The following CAPN14 variants were observed in gnomAD, a reference collection of about 807,000 sequenced individuals.
CAPN14 encodes the protein calpain-14.
Under a neutral mutation model 101.3 loss-of-function variants are expected in CAPN14, and 94 were observed. That is an observed-to-expected ratio of 0.93 (90% CI 0.79 to 1.10). The LOEUF (loss-of-function observed/expected upper bound fraction) is 1.10, where lower values mean the gene tolerates loss of function less well. CAPN14 is among the 50% of genes least tolerant of loss of function. The probability of loss-of-function intolerance (pLI) is 0.00; values close to 1 mark genes in which losing one functional copy is unlikely to be tolerated. For missense variants in CAPN14, 837 were observed against 828.4 expected (o/e 1.01, Z -0.13); for synonymous variants, 338 against 317.9 (o/e 1.06, Z -0.67).
chr2:31,174,618 G>C lies in CAPN14; in HGVS notation c.*63C>G. On this transcript the variant is annotated 3_prime_UTR_variant, in exon 22 of 22. Transcript: ENST00000403897. ...GTAGGGTGGGCATGGGTTGGTCTCA[G>C]CCAAAGGCTGCTCTTGGGCCACATG... The C allele has an allele frequency of 6.5e-7, 1 of 1,537,880 alleles. No individual in the cohort carries two copies. The highest frequency in any genetic ancestry group is 8.8e-7 in the Non-Finnish European group (1 of 1,135,410).
chr2:31,199,934 T>G (rs1681665355), intron 6 of CAPN14, among the ~76,000 whole-genome samples: 2 of 152,202 alleles, frequency 1.3e-5, no homozygotes, highest in African/African-American at 4.8e-5. Context: ...TTAGCTTCCT[T>G]CTCTGCACAT....
At position 31,197,302 on chromosome 2, in the gene CAPN14, G is replaced by C; in HGVS notation, c.822C>G (p.Val274=). 1 of 1,551,156 alleles carries C rather than the reference G, an allele frequency of 6.4e-7. No homozygotes were observed. Among genetic ancestry groups the C allele is most frequent in the Non-Finnish European group, 8.7e-7 (1 of 1,146,150 alleles). ...VTCKHRPEYL[V]KLRNPWGKVE... ...CCTTTCCCCAGGGGTTCCGTAGCTT[G>C]ACGAGATATTCAGGTCTATGTTTGC... is the stretch of plus-strand genomic sequence containing the variant. The change falls in exon 8 of 22, where the codon GTC becomes GTG. Residue 274 remains valine, a synonymous_variant. Transcript: ENST00000403897.
intron 1 of CAPN14, among the ~76,000 whole-genome samples, chr2:31,207,548 A>G (rs1308591060): frequency 1.3e-5 from 2 of 152,178 alleles, no homozygotes; most frequent in Non-Finnish European, 2.9e-5. Context: ...TGGGCAAATC[A>G]CTTGAGCCCA....
chr2:31,187,844 A>T (rs1572399785), intron 14 of CAPN14, 30 bp from the exon 15 acceptor site: 1 of 1,521,006 alleles, frequency 6.6e-7, no homozygotes, highest in East Asian at 2.5e-5. Context: ...GAAAGACACA[A>T]TTATTCACCT....
At chr2:31,209,110 C>T (rs74472767) in intron 1 of CAPN14, among the ~76,000 whole-genome samples, 3 of 150,808 alleles carry the variant, frequency 2.0e-5, no homozygotes, top group Non-Finnish European at 4.4e-5. Flanking sequence ...GTTAGGACTA[C>T]AGGCTCATGC....
At chr2:31,202,369 A>G in intron 3 of CAPN14, 117 bp from the exon 4 acceptor site, 1 of 724,264 alleles carries the variant, frequency 1.4e-6, no homozygotes, top group Non-Finnish European at 2.4e-6. Context: ...AGGAGAAGGG[A>G]ATTATATACT....
At chr2:31,205,849 C>G (rs1204633388) in intron 1 of CAPN14, among the ~76,000 whole-genome samples, 1 of 151,864 alleles carries the variant, frequency 6.6e-6, no homozygotes, top group Non-Finnish European at 1.5e-5. Flanking sequence ...GGAGCTCAGT[C>G]CCCTGGGCCG....
At chr2:31,229,370 GA>G (rs968851542) in intron 1 of CAPN14, among the ~76,000 whole-genome samples, 1 of 151,932 alleles carries the variant, frequency 6.6e-6, no homozygotes, top group Non-Finnish European at 1.5e-5. Context: ...CCACAGTTAT[GA>G]AAAAAATTCC....
chr2:31,206,280 A>T (rs574678653), intron 1 of CAPN14, among the ~76,000 whole-genome samples: 62 of 151,670 alleles, frequency 4.1e-4, no homozygotes, highest in Non-Finnish European at 7.7e-4. Context: ...CAAGGGTAAA[A>T]CCCCAGGCTC....
rs1012631480 is a variant in CAPN14, at chr2:31,230,636, A to G, written c.-177+3155T>C. 1.3e-5 allele frequency among the ~76,000 whole-genome samples: 2 copies of G among 152,168 alleles called. No homozygotes were observed. The highest frequency in any genetic ancestry group is 6.5e-5 in the Admixed American group (1 of 15,272). ...GTTTTCTTGCGTTTATAGGGCATTC[A>G]TGTAGCCTCTTGTAAAAGACATTTT... is the stretch of plus-strand genomic sequence containing the variant. On this transcript the variant is annotated intron_variant and NMD_transcript_variant, in intron 1 of 21. Transcript: ENST00000398824. The surrounding 1 kb of genome is among the most constrained non-coding windows in gnomAD (Gnocchi z 4.3).
upstream of CAPN14, among the ~76,000 whole-genome samples, chr2:31,221,869 C>G (rs951401288): frequency 6.6e-6 from 1 of 152,200 alleles, no homozygotes; most frequent in South Asian, 2.1e-4. Context: ...TTGAAGTCAG[C>G]AGCACCCCAG....
In CAPN14 at chr2:31,173,398, T is replaced by C. The variant is rs1680140196; in HGVS notation, c.*1283A>G. Reference sequence around the variant, plus strand: ...CTGCCAATGGACACACTTTTATCTCTTCATTCAGCTTCCTTCCTGAGTCTG... The same window carrying C: ...CTGCCAATGGACACACTTTTATCTCCTCATTCAGCTTCCTTCCTGAGTCTG... On this transcript the variant is annotated 3_prime_UTR_variant, in exon 22 of 22. Coordinates refer to ENST00000403897, the MANE Select transcript of CAPN14 (RefSeq NM_001145122.2). 6.6e-6 allele frequency: 1 copy of C among 152,210 alleles called. No homozygotes were observed. The highest frequency in any genetic ancestry group is 2.4e-5 in the African/African-American group (1 of 41,462). The allele number at this position is 152,210 out of a possible 1,614,324, so 9.4% of individuals were successfully genotyped here. A position where few individuals can be genotyped will look rare whatever the true frequency, so the allele number is the denominator to read the frequency against.
chr2:31,200,618 C>A lies in CAPN14; in HGVS notation c.559G>T (p.Gly187Cys), dbSNP rs746140880. 1.0e-4 allele frequency: 159 copies of A among 1,545,584 alleles called. No individual in the cohort carries two copies. Among genetic ancestry groups the A allele is most frequent in the Non-Finnish European group, 1.3e-4 (149 of 1,144,900 alleles). Residue 187 changes from glycine to cysteine, a missense_variant, in exon 6 of 22, where the codon GGT (glycine) becomes TGT (cysteine). By Grantham distance (159) the Gly-to-Cys change is radical (BLOSUM62 -3). Coordinates refer to ENST00000403897, the MANE Select transcript of CAPN14 (RefSeq NM_001145122.2). ...CCTGACTGCAAGTCTTCATAGGAACCAGAGAGCCTGGCCAGGGAAGAAATA... is the reference window on the plus strand; with the variant it reads ...CCTGACTGCAAGTCTTCATAGGAACAAGAGAGCCTGGCCAGGGAAGAAATA... ...LLEKAYAKLS[G>C]SYEDLQSGQV...
At chr2:31,181,440 T>TTC (rs1226895497) in intron 16 of CAPN14, among the ~76,000 whole-genome samples, 2 of 147,406 alleles carry the variant, frequency 1.4e-5, no homozygotes, top group Admixed American at 6.8e-5. Context: ...CTTTCTTTCT[T>TTC]TCTTTTTCTT....
At chr2:31,224,449 G>A (rs1682960833) in intron 2 of CAPN14, among the ~76,000 whole-genome samples, 1 of 152,120 alleles carries the variant, frequency 6.6e-6, no homozygotes, top group Non-Finnish European at 1.5e-5. Flanking sequence ...GGGTGAAGAA[G>A]TTGAGGTGGG....
At chr2:31,222,510 T>C (rs2148706731), upstream of CAPN14, among the ~76,000 whole-genome samples, 1 of 152,306 alleles carries the variant, frequency 6.6e-6, no homozygotes, top group South Asian at 2.1e-4. Flanking sequence ...AGTGTTATCA[T>C]CCACAAAATG....
intron 15 of CAPN14, among the ~76,000 whole-genome samples, chr2:31,187,381 A>C (rs1680946924): frequency 1.2e-4 from 18 of 147,196 alleles, no homozygotes; most frequent in African/African-American, 2.5e-4. Flanking sequence ...CCCTCCAATG[A>C]CCCTCCCCAA....
intron 8 of CAPN14, among the ~76,000 whole-genome samples, chr2:31,196,335 G>A (rs1228228250): frequency 1.3e-5 from 2 of 152,086 alleles, no homozygotes; most frequent in Admixed American, 6.6e-5. Context: ...GAAAGAAACC[G>A]CCACCAGCAA....
chr2:31,226,883 T>A lies in CAPN14; in HGVS notation c.-176-232A>T, dbSNP rs533880866. 2.6e-5 allele frequency among the ~76,000 whole-genome samples: 4 copies of A among 152,240 alleles called. No individual in the cohort carries two copies. In the South Asian group the frequency reaches 6.2e-4, roughly 24 times the overall value. ...GGGATTTCGGTAAGCTGCCTCCCAC[T>A]TTTTGTGGACTGAGGGGAAAGTGAG... On this transcript the variant is annotated intron_variant and NMD_transcript_variant, in intron 1 of 21. Transcript: ENST00000398824.
Sources: allele counts gnomAD v4.1 joint callset (sites outside exome capture counted in the v4.1 genomes callset), GRCh38; gene constraint gnomAD v4.1.1; non-coding constraint Gnocchi (gnomAD v3.1); transcripts MANE v1.5; gene names NCBI Gene and HGNC (gene_info 2026-07-23, HGNC 2026-07-21).